Variants in RCSD1 observed in about 807,000 individuals in gnomAD.
The protein encoded by RCSD1 is capZ-interacting protein.
Under a neutral mutation model 42.5 loss-of-function variants are expected in RCSD1, and 26 were observed. That is an observed-to-expected ratio of 0.61 (90% confidence interval 0.45 to 0.85). The LOEUF (loss-of-function observed/expected upper bound fraction) is 0.85. RCSD1 is among the 40% of genes least tolerant of loss of function. RCSD1 has a pLI of 0.00. For missense variants in RCSD1, 571 were observed against 528.3 expected (o/e 1.08, Z -0.79); for synonymous variants, 220 against 212.2 (o/e 1.04, Z -0.32).
At chr1:167,632,581 C>T (rs1657731729) in intron 1 of RCSD1, among the ~76,000 whole-genome samples, 1 of 152,036 alleles carries the variant, frequency 6.6e-6, no homozygotes, top group Non-Finnish European at 1.5e-5. Flanking sequence ...GTAACTTATG[C>T]AGGATTCCAC....
intron 1 of RCSD1, among the ~76,000 whole-genome samples, chr1:167,680,330 TG>T (rs1659048473): frequency 6.6e-6 from 1 of 151,724 alleles, no homozygotes; most frequent in Admixed American, 6.6e-5. Context: ...GTATGGTCCA[TG>T]GGGGTGAGTT....
chr1:167,702,110 G>T (rs1255875190), intron 6 of RCSD1, among the ~76,000 whole-genome samples: 1 of 152,244 alleles, frequency 6.6e-6, no homozygotes, highest in Non-Finnish European at 1.5e-5. Flanking sequence ...GATACTGGGA[G>T]TCAAAAGTGA....
At chr1:167,684,938 C>A (rs1024464479) in intron 2 of RCSD1, among the ~76,000 whole-genome samples, 1 of 152,168 alleles carries the variant, frequency 6.6e-6, no homozygotes, top group Non-Finnish European at 1.5e-5. Flanking sequence ...AGAAATCTAT[C>A]GTGGCCCCTT....
intron 6 of RCSD1, among the ~76,000 whole-genome samples, chr1:167,702,787 A>G (rs553295957): frequency 6.9e-6 from 1 of 144,720 alleles, no homozygotes; most frequent in African/African-American, 2.7e-5. Flanking sequence ...AATAAATAAA[A>G]TAAATACATA....
intron 4 of RCSD1, among the ~76,000 whole-genome samples, chr1:167,693,273 G>A (rs951843776): frequency 5.3e-5 from 8 of 152,152 alleles, no homozygotes; most frequent in African/African-American, 1.9e-4. Flanking sequence ...ACCCTAGATG[G>A]CCTTAAAGAG....
intron 4 of RCSD1, among the ~76,000 whole-genome samples, chr1:167,693,780 T>C (rs1266201291): frequency 2.0e-5 from 3 of 152,212 alleles, no homozygotes; most frequent in Non-Finnish European, 4.4e-5. Context: ...GTGCCACAGG[T>C]GCTCCTGGCA....
chr1:167,637,950 A>C (rs913538304), intron 1 of RCSD1, among the ~76,000 whole-genome samples: 1 of 152,240 alleles, frequency 6.6e-6, no homozygotes, highest in African/African-American at 2.4e-5. Context: ...CCCAGTAAGC[A>C]GTGCCGCTGG....
chr1:167,657,726 C>A (rs1019355735), intron 1 of RCSD1, among the ~76,000 whole-genome samples: 4 of 152,112 alleles, frequency 2.6e-5, no homozygotes, highest in African/African-American at 9.7e-5. Context: ...TGTTCCCCTG[C>A]TCAAATCAGA....
At chr1:167,677,794 CA>C (rs1172079454) in intron 1 of RCSD1, among the ~76,000 whole-genome samples, 1 of 152,196 alleles carries the variant, frequency 6.6e-6, no homozygotes, top group East Asian at 1.9e-4. Context: ...GATAAGCTAT[CA>C]ATTTACATTG....
chr1:167,659,521 C>G (rs1466948867), intron 1 of RCSD1, among the ~76,000 whole-genome samples: 1 of 152,132 alleles, frequency 6.6e-6, no homozygotes, highest in Non-Finnish European at 1.5e-5. Context: ...CCACTGCATC[C>G]TATGTTTCAA....
chr1:167,691,483 G>A (rs1207977422), intron 4 of RCSD1, among the ~76,000 whole-genome samples: 1 of 152,236 alleles, frequency 6.6e-6, no homozygotes, highest in Non-Finnish European at 1.5e-5. Context: ...TCCAGGTGGG[G>A]GCTGTAGGAG....
chr1:167,686,054 C>T (rs1018536671), intron 3 of RCSD1, among the ~76,000 whole-genome samples: 17 of 152,196 alleles, frequency 1.1e-4, no homozygotes, highest in Non-Finnish European at 1.6e-4. Context: ...ACGTTACCAA[C>T]ATAATAAAGG....
intron 1 of RCSD1, among the ~76,000 whole-genome samples, chr1:167,640,112 G>A (rs148020741): frequency 0.014 from 2,203 of 152,344 alleles, 53 homozygotes; most frequent in South Asian, 0.061. Flanking sequence ...CTGCCCAGGT[G>A]GAGAATCTGA....
At chr1:167,673,274 C>T (rs960243381) in intron 1 of RCSD1, among the ~76,000 whole-genome samples, 3 of 152,220 alleles carry the variant, frequency 2.0e-5, no homozygotes, top group Admixed American at 2.0e-4. Flanking sequence ...AGATTCCCTC[C>T]ATTTGCCCAA....
At chr1:167,634,224 A>G (rs1657773661) in intron 1 of RCSD1, among the ~76,000 whole-genome samples, 1 of 152,234 alleles carries the variant, frequency 6.6e-6, no homozygotes. Context: ...AGCCACTATT[A>G]GAACACTAGG....
At chr1:167,682,476 C>T (rs142278609) in intron 1 of RCSD1, among the ~76,000 whole-genome samples, 2 of 152,140 alleles carry the variant, frequency 1.3e-5, no homozygotes, top group Admixed American at 1.3e-4. Context: ...CCTGTCAAAG[C>T]CTTCTTCTCA....
intron 2 of RCSD1, 22 bp from the exon 3 acceptor site, chr1:167,685,395 GTGTC>G: frequency 6.3e-7 from 1 of 1,592,522 alleles, no homozygotes; most frequent in South Asian, 1.1e-5. Flanking sequence ...TTTTCTCTGT[GTGTC>G]TGTCTGTCGC....
chr1:167,694,021 C>A, intron 4 of RCSD1, 78 bp from the exon 5 acceptor site: 1 of 1,434,800 alleles, frequency 7.0e-7, no homozygotes. Context: ...GGCCTGAGGC[C>A]AGATAACCAA....
intron 4 of RCSD1, 37 bp downstream of exon 4, chr1:167,690,157 T>C: frequency 6.3e-7 from 1 of 1,599,260 alleles, no homozygotes; most frequent in South Asian, 1.1e-5. Flanking sequence ...CTACCTTTTA[T>C]CTAACTCCAC....
Sources: allele counts gnomAD v4.1 joint callset (sites outside exome capture counted in the v4.1 genomes callset), GRCh38; gene constraint gnomAD v4.1.1; transcripts MANE v1.5; gene names NCBI Gene and HGNC (gene_info 2026-07-23, HGNC 2026-07-21).